Variants in ZSWIM5 observed in about 807,000 individuals in gnomAD.
ZSWIM5 encodes zinc finger SWIM-type containing 5, also known as zinc finger SWIM domain-containing protein 5.
A neutral mutation model predicts 119.6 loss-of-function variants in ZSWIM5; 55 were observed. That is an observed-to-expected ratio of 0.46 (90% confidence interval 0.37 to 0.58). ZSWIM5 has a LOEUF of 0.58. Among genes scored for constraint, ZSWIM5 ranks in the 20% least tolerant of loss-of-function variants. ZSWIM5 has a pLI of 0.00. For synonymous variants in ZSWIM5, 537 were observed against 606.9 expected (o/e 0.88, Z 1.69); for missense variants, 1,193 against 1,512.8 (o/e 0.79, Z 3.51).
intron 11 of ZSWIM5, among the ~76,000 whole-genome samples, chr1:45,023,065 T>C (rs1268667484): frequency 6.6e-6 from 1 of 152,242 alleles, no homozygotes; most frequent in Non-Finnish European, 1.5e-5. Context: ...TGTGGTACAT[T>C]TGATGAACCA....
At chr1:45,087,815 G>C (rs1489080103) in intron 2 of ZSWIM5, 66 bp downstream of exon 2, 3 of 1,143,902 alleles carry the variant, frequency 2.6e-6, no homozygotes, top group Non-Finnish European at 3.8e-6. Context: ...AGAGGTAAGA[G>C]GGTTGCTTTG....
chr1:45,160,152 T>C (rs2149041021), intron 1 of ZSWIM5, among the ~76,000 whole-genome samples: 1 of 151,170 alleles, frequency 6.6e-6, no homozygotes, highest in African/African-American at 2.4e-5. Flanking sequence ...GATTAGAAAA[T>C]ATATATACTT....
At chr1:45,160,071 G>A (rs765827385) in intron 1 of ZSWIM5, among the ~76,000 whole-genome samples, 3 of 152,000 alleles carry the variant, frequency 2.0e-5, no homozygotes, top group Admixed American at 6.6e-5. Flanking sequence ...GCTCTTTAAG[G>A]GTCTGCTGTA....
intron 1 of ZSWIM5, among the ~76,000 whole-genome samples, chr1:45,205,519 AAG>A (rs960071083): frequency 6.6e-6 from 1 of 152,172 alleles, no homozygotes; most frequent in Non-Finnish European, 1.5e-5. Context: ...AAGAGTGAAG[AAG>A]AGAGATCTAT....
intron 1 of ZSWIM5, among the ~76,000 whole-genome samples, chr1:45,118,871 A>G (rs1400053469): frequency 6.6e-6 from 1 of 152,210 alleles, no homozygotes; most frequent in African/African-American, 2.4e-5. Flanking sequence ...ACAGTAGTAA[A>G]TAAGAGAAAC....
chr1:45,034,623 T>C (rs1644972157), intron 10 of ZSWIM5, among the ~76,000 whole-genome samples, 154 bp from the exon 11 acceptor site: 1 of 152,152 alleles, frequency 6.6e-6, no homozygotes, highest in South Asian at 2.1e-4. Flanking sequence ...CTATACACTA[T>C]ATGAGGTGAG....
rs776495287 is a variant in ZSWIM5, at chr1:45,088,801, T to A, written c.596-564A>T. On this transcript the variant is annotated intron_variant, in intron 1 of 13. Coordinates refer to ENST00000359600, the MANE Select transcript of ZSWIM5 (RefSeq NM_020883.2). This position sits in a 1 kb window ranked among gnomAD's most constrained non-coding sequence, Gnocchi z 4.2. Reference sequence around the variant, plus strand: ...CATAAAAGGCAAGAAATTTAAGACATGAAAGGCACAGCTAGGTGCAATGAA... The same window carrying A: ...CATAAAAGGCAAGAAATTTAAGACAAGAAAGGCACAGCTAGGTGCAATGAA... 5.9e-5 allele frequency among the ~76,000 whole-genome samples: 9 copies of A among 152,056 alleles called. No homozygotes were observed. Among genetic ancestry groups the A allele is most frequent in the Non-Finnish European group, 1.2e-4 (8 of 68,014 alleles).
intron 8 of ZSWIM5, among the ~76,000 whole-genome samples, chr1:45,038,104 A>G (rs1476339247): frequency 6.6e-6 from 1 of 152,232 alleles, no homozygotes; most frequent in Non-Finnish European, 1.5e-5. Flanking sequence ...GTGAAGGTAT[A>G]AAAGAAAAAA....
chr1:45,047,502 G>A (rs1471484929), intron 5 of ZSWIM5, among the ~76,000 whole-genome samples: 1 of 152,066 alleles, frequency 6.6e-6, no homozygotes, highest in Non-Finnish European at 1.5e-5. Context: ...AGTGTTTTTT[G>A]TTTTGTTTTG....
At chr1:45,046,843 G>C (rs1364246881) in intron 5 of ZSWIM5, among the ~76,000 whole-genome samples, 1 of 151,890 alleles carries the variant, frequency 6.6e-6, no homozygotes, top group Non-Finnish European at 1.5e-5. Flanking sequence ...GGCTAACATA[G>C]TGAAACCCCA....
At position 45,106,500 on chromosome 1, in the gene ZSWIM5, T is replaced by C. The variant is rs190840945; in HGVS notation, c.596-18263A>G. On this transcript the variant is annotated intron_variant, in intron 1 of 13. Coordinates refer to ENST00000359600, the MANE Select transcript of ZSWIM5 (RefSeq NM_020883.2). ...GGCGCCTCTGCCCGGCCGCTCTTAC[T>C]CTGGGAGGTGGGGAGCGCCTCTGCC... is the stretch of plus-strand genomic sequence containing the variant. Among the ~76,000 whole-genome samples, 939 of 141,550 alleles carry C rather than the reference T, an allele frequency of 6.6e-3. 17 individuals carry two copies. Among genetic ancestry groups the C allele is most frequent in the African/African-American group, 0.024 (908 of 37,316 alleles). The allele number at this position is 141,550 out of a possible 152,430, so 92.9% of individuals were successfully genotyped here.
At chr1:45,131,612 C>A (rs962653326) in intron 1 of ZSWIM5, among the ~76,000 whole-genome samples, 2 of 151,552 alleles carry the variant, frequency 1.3e-5, no homozygotes, top group African/African-American at 4.9e-5. Flanking sequence ...ATAGCCCCAG[C>A]TACTCGGGAG....
intron 1 of ZSWIM5, among the ~76,000 whole-genome samples, chr1:45,184,362 C>A (rs1016086043): frequency 1.8e-4 from 28 of 152,186 alleles, no homozygotes; most frequent in African/African-American, 5.8e-4. Flanking sequence ...CCTCTCTCAC[C>A]ACTCCTATTC....
intron 1 of ZSWIM5, among the ~76,000 whole-genome samples, chr1:45,113,187 C>G (rs538731583): frequency 2.0e-5 from 3 of 152,156 alleles, no homozygotes; most frequent in Non-Finnish European, 4.4e-5. Flanking sequence ...TCAACACCCA[C>G]CTCTATCACC....
intron 11 of ZSWIM5, among the ~76,000 whole-genome samples, chr1:45,028,183 T>A (rs1035969391): frequency 6.6e-6 from 1 of 152,236 alleles, no homozygotes; most frequent in Non-Finnish European, 1.5e-5. Flanking sequence ...TGTTCTTTGA[T>A]GCACAAAAGA....
At chr1:45,104,600 T>C (rs1467535196) in intron 1 of ZSWIM5, among the ~76,000 whole-genome samples, 2 of 152,158 alleles carry the variant, frequency 1.3e-5, no homozygotes, top group Non-Finnish European at 2.9e-5. Context: ...GTGCGAGAGA[T>C]TGCAAAGTGA....
intron 1 of ZSWIM5, among the ~76,000 whole-genome samples, chr1:45,185,621 C>T (rs960966509): frequency 2.6e-5 from 4 of 152,098 alleles, no homozygotes; most frequent in African/African-American, 9.7e-5. Flanking sequence ...CAAAAGAAGA[C>T]ATTTATGCAG....
At chr1:45,169,989 CTG>C (rs1436197237) in intron 1 of ZSWIM5, among the ~76,000 whole-genome samples, 2 of 151,762 alleles carry the variant, frequency 1.3e-5, no homozygotes, top group Non-Finnish European at 2.9e-5. Context: ...AGCAACATTT[CTG>C]TGTGTGTGTG....
At chr1:45,175,034 C>T (rs1645971451) in intron 1 of ZSWIM5, among the ~76,000 whole-genome samples, 1 of 152,104 alleles carries the variant, frequency 6.6e-6, no homozygotes, top group Non-Finnish European at 1.5e-5. Context: ...CCATAAGGAT[C>T]CAGTCCAAAG....
Sources: gnomAD v4.1 joint callset for allele counts (sites outside exome capture counted in the v4.1 genomes callset) on GRCh38, gnomAD v4.1.1 for gene constraint, Gnocchi (gnomAD v3.1) non-coding constraint, MANE v1.5 for transcripts, NCBI Gene and HGNC (gene_info 2026-07-23, HGNC 2026-07-21) for gene names.